Variants in TTN observed in about 807,000 individuals in gnomAD.
TTN encodes titin, also known as connectin.
In TTN, 1,525 loss-of-function variants were observed where a neutral mutation model predicts 3,223.0. That is an observed-to-expected ratio of 0.47 (90% CI 0.45 to 0.49). The LOEUF (loss-of-function observed/expected upper bound fraction) is 0.49, where lower values mean the gene tolerates loss of function less well. TTN is among the 20% of genes least tolerant of loss of function. The pLI is 0.00. For synonymous variants in TTN, 14,094 were observed against 15,161.0 expected, an observed-to-expected ratio of 0.93 and a Z score of 5.17; for missense variants, 40,786 against 43,424.0, an observed-to-expected ratio of 0.94 and a Z score of 5.40.
intron 12 of TTN, 116 bp downstream of exon 12, chr2:178,789,862 A>T: frequency 1.5e-6 from 2 of 1,368,598 alleles, no homozygotes; most frequent in Non-Finnish European, 2.0e-6. Flanking sequence ...TTTTGTTTTT[A>T]GTTAGGGATT....
At chr2:178,670,189 A>G (rs1298009467) in intron 157 of TTN, 29 bp downstream of exon 157, 3 of 1,384,824 alleles carry the variant, frequency 2.2e-6, no homozygotes, top group Non-Finnish European at 1.9e-6. Context: ...AGGATTTTAT[A>G]TTAATGATGA....
intron 6 of TTN, chr2:178,798,381 T>C (rs1040555133): frequency 3.9e-5 from 6 of 152,164 alleles, no homozygotes; most frequent in Admixed American, 2.6e-4. Flanking sequence ...AATTTACACT[T>C]GATTATATAA....
rs1399797498 is a variant in TTN, at chr2:178,568,856, G to T, written c.77276C>A (p.Thr25759Asn). 1 of 1,613,076 alleles carries T rather than the reference G, an allele frequency of 6.2e-7. No individual in the cohort carries two copies. ...ATATTCTTCCCCTTGAGTTAGGTTG[G>T]TAATTACTGCCTGAAGAGACTTTAC... ...ARVKSLQAVI[T>N]NLTQGEEYLF... The change falls in exon 326 of 363, where the codon ACC (threonine) becomes AAC (asparagine). Residue 25759 changes from threonine (T) to asparagine (N), a missense_variant. Transcript: ENST00000589042.
At position 178,601,893 on chromosome 2, in the gene TTN, C is replaced by T. The variant is rs756341923; in HGVS notation, c.55291G>A (p.Glu18431Lys). 9.3e-6 allele frequency: 15 copies of T among 1,611,614 alleles called. No individual in the cohort carries two copies. Among genetic ancestry groups the T allele is most frequent in the African/African-American group, 2.7e-5 (2 of 74,794 alleles). ...AMKDGVHDIP[E>K]DAQLETAENS... is the part of the protein sequence containing the mutation. The stretch of plus-strand genomic sequence containing the variant: ...TATTATTTTTTTACCTGTGCATCTT[C>T]GGGTATGTCATGAACTCCATCCTAT... Residue 18431 changes from glutamate to lysine, a missense_variant, in exon 285 of 363, where the codon GAA (glutamate) becomes AAA (lysine). By Grantham distance (56) the Glu-to-Lys change is moderately conservative. Coordinates refer to ENST00000589042, the MANE Select transcript of TTN (RefSeq NM_001267550.2).
In TTN at chr2:178,564,193, T is replaced by G. The variant is rs375386617; in HGVS notation, c.81939A>C (p.Gly27313=). Residue 27313 remains glycine (G), a synonymous_variant, in exon 326 of 363, where the codon GGA becomes GGC. Transcript: ENST00000589042. The part of the protein sequence containing the change: ...PIPDVVWSKD[G]KELEETAARM... ...TAGCAGCTGTTTCTTCAAGTTCTTTTCCATCTTTTGACCAAACAACATCAG... is the reference window on the plus strand; with the variant it reads ...TAGCAGCTGTTTCTTCAAGTTCTTTGCCATCTTTTGACCAAACAACATCAG... The G allele has an allele frequency of 6.2e-7, 1 of 1,613,736 alleles. No individual in the cohort carries two copies.
Position 178,552,081 on chromosome 2 carries a change from C to A in TTN, c.90819G>T (p.Lys30273Asn), listed in dbSNP as rs1307577297. 1.2e-6 allele frequency: 2 copies of A among 1,613,750 alleles called. No individual in the cohort carries two copies. The highest frequency in any genetic ancestry group is 1.7e-6 in the Non-Finnish European group (2 of 1,179,752). ...TTCTGGCAACACTTGAACACACCAT[C>A]TTCCAGTTAGTTTGTGAAGTTTCCC... ...EKRETSQTNW[K>N]MVCSSVARTT... The change falls in exon 335 of 363, where the codon AAG becomes AAT. Residue 30273 changes from lysine (K) to asparagine (N), a missense_variant. By Grantham distance (94) the Lys-to-Asn change is moderately conservative. Transcript: ENST00000589042.
Position 178,729,379 on chromosome 2 carries a change from G to A in TTN, c.18777C>T (p.Thr6259=), listed in dbSNP as rs750180579. 2 of 1,613,446 alleles carry A rather than the reference G, an allele frequency of 1.2e-6. No individual in the cohort carries two copies. The highest frequency in any genetic ancestry group is 1.7e-6 in the Non-Finnish European group (2 of 1,179,666). ...CCCCAGTGTCTGAAGGGTCACACTT[G>A]GTTATATGGAGGTTAAACACAGACA... ...DRVSVFNLHI[T]KCDPSDTGEY... is the part of the protein sequence containing the mutation. Residue 6259 remains threonine, a synonymous_variant, in exon 64 of 363, where the codon ACC becomes ACT. Coordinates refer to ENST00000589042, the MANE Select transcript of TTN (RefSeq NM_001267550.2).
At position 178,611,063 on chromosome 2, in the gene TTN, G is replaced by A. The variant is rs762091746; in HGVS notation, c.51066C>T (p.Ala17022=). ...TCTCCAGTGTAATGGTATAAATTCCGGCATCTGCACGGACACTCTTGGGAA... is the reference window on the plus strand; with the variant it reads ...TCTCCAGTGTAATGGTATAAATTCCAGCATCTGCACGGACACTCTTGGGAA... The part of the protein sequence containing the change: ...LEVPKSVRAD[A]GIYTITLENK... Residue 17022 remains alanine, a synonymous_variant, in exon 270 of 363, where the codon GCC becomes GCT. Coordinates refer to ENST00000589042, the MANE Select transcript of TTN (RefSeq NM_001267550.2). 1.2e-5 allele frequency: 20 copies of A among 1,612,620 alleles called. No homozygotes were observed. The highest frequency in any genetic ancestry group is 8.9e-5 in the East Asian group (4 of 44,722).
intron 221 of TTN, 26 bp from the exon 222 acceptor site, chr2:178,640,136 G>T: frequency 1.2e-6 from 2 of 1,600,966 alleles, no homozygotes; most frequent in East Asian, 2.3e-5. Context: ...GTAGAGGGCA[G>T]ATTATTACAG....
chr2:178,550,523 AGT>A (rs1271344238), intron 336 of TTN: 3 of 482,318 alleles, frequency 6.2e-6, no homozygotes, highest in Non-Finnish European at 1.1e-5. Flanking sequence ...TAAAAAGGAA[AGT>A]GAAACATTTA....
chr2:178,735,575 G>A lies in TTN; in HGVS notation c.14871C>T (p.Thr4957=), dbSNP rs779268926. ...IPLAKLKDSG[T]YVCTASNEAG... ...CCTCATTTGAAGCTGTACAGACATA[G>A]GTTCCTGAATCTTTCAGTTTGGCCA... Residue 4957 remains threonine, a synonymous_variant, in exon 50 of 363, where the codon ACC becomes ACT. Transcript: ENST00000589042. 4 of 1,612,822 alleles carry A rather than the reference G, an allele frequency of 2.5e-6. No homozygotes were observed. The highest frequency in any genetic ancestry group is 2.7e-5 in the African/African-American group (2 of 74,940).
rs1060500393 is a variant in TTN, at chr2:178,564,257, G to A, written c.81875C>T (p.Thr27292Ile). The change falls in exon 326 of 363, where the codon ACT becomes ATT. Residue 27292 changes from threonine to isoleucine, a missense_variant. Transcript: ENST00000589042. The stretch of plus-strand genomic sequence containing the variant: ...ACGGATGTCGGCTTCAAGAACAAAA[G>A]TCTCTCCTGCATGAACAACGATGAC... ...KDVIVVHAGE[T>I]FVLEADIRGK... 1.2e-5 allele frequency: 19 copies of A among 1,613,238 alleles called. No individual in the cohort carries two copies. Among genetic ancestry groups the A allele is most frequent in the Non-Finnish European group, 1.6e-5 (19 of 1,179,788 alleles).
intron 218 of TTN, among the ~76,000 whole-genome samples, chr2:178,642,878 T>C (rs1003940706): frequency 1.6e-4 from 24 of 152,004 alleles, no homozygotes; most frequent in African/African-American, 5.5e-4. Context: ...GATAAAATAT[T>C]TAAAATTATA....
Position 178,605,536 on chromosome 2 carries a change from G to A in TTN, c.53759C>T (p.Thr17920Ile). ...ATCAAGATTTTCAACCAGAAAAGAT[G>A]TGGTTGGGCAGAGTCGCTTGTTAAC... The part of the protein sequence containing the change: ...ERVNKRLCPT[T>I]SFLVENLDEH... Residue 17920 changes from threonine to isoleucine, a missense_variant, in exon 279 of 363, where the codon ACA becomes ATA. Coordinates refer to ENST00000589042, the MANE Select transcript of TTN (RefSeq NM_001267550.2). The A allele has an allele frequency of 6.2e-7, 1 of 1,612,454 alleles. No individual in the cohort carries two copies. Among genetic ancestry groups the A allele is most frequent in the Admixed American group, 1.7e-5 (1 of 59,948 alleles).
Position 178,600,871 on chromosome 2 carries a change from G to A in TTN, c.56033C>T (p.Thr18678Ile). The A allele has an allele frequency of 6.2e-7, 1 of 1,612,798 alleles. No homozygotes were observed. Among genetic ancestry groups the A allele is most frequent in the South Asian group, 1.1e-5 (1 of 91,034 alleles). ...GTACTTACATGTCTGGTCTTTGACA[G>A]TCACAGGGCCAACAGTGGCTGAAGG... ...SKPSATVGPV[T>I]VKDQTCPPSI... The change falls in exon 288 of 363, where the codon ACT becomes ATT. Residue 18678 changes from threonine to isoleucine, a missense_variant. By Grantham distance (89) the Thr-to-Ile change is moderately conservative (BLOSUM62 -1). Coordinates refer to ENST00000589042, the MANE Select transcript of TTN (RefSeq NM_001267550.2).
chr2:178,768,174 A>G lies in TTN; in HGVS notation c.9164-19T>C. On this transcript the variant is annotated intron_variant, in intron 38 of 362. Transcript: ENST00000589042. ...TGACGAGCTGGAAAATAGCATGTAG[A>G]AAAATTAACATTTTTAACAGCTTTA... 1 of 1,613,456 alleles carries G rather than the reference A, an allele frequency of 6.2e-7. No individual in the cohort carries two copies. Among genetic ancestry groups the G allele is most frequent in the Non-Finnish European group, 8.5e-7 (1 of 1,179,622 alleles).
chr2:178,637,411 C>A lies in TTN; in HGVS notation c.40885G>T (p.Ala13629Ser), dbSNP rs994496313. Residue 13629 changes from alanine (A) to serine (S), a missense_variant, in exon 224 of 363, where the codon GCA becomes TCA. Transcript: ENST00000589042. ...GGCTTGGCAGCCTCTTCCTTAGGTG[C>A]TTTGGCTTCTGAAATAAAAATAAAA... ...PVVGKKAEAK[A>S]PKEEAAKPKG... is the part of the protein sequence containing the mutation. 6.8e-7 allele frequency: 1 copy of A among 1,476,236 alleles called. No individual in the cohort carries two copies. The highest frequency in any genetic ancestry group is 1.5e-5 in the African/African-American group (1 of 68,618). 91.4% of individuals were successfully genotyped at this position (1,476,236 alleles called of 1,614,324 possible). A position where few individuals can be genotyped will look rare whatever the true frequency, so the allele number is the denominator to read the frequency against.
At chr2:178,621,433 G>A (rs1317487856) in intron 245 of TTN, 42 bp downstream of exon 245, 1 of 1,596,028 alleles carries the variant, frequency 6.3e-7, no homozygotes, top group South Asian at 1.1e-5. Flanking sequence ...TAGCAAGTGT[G>A]AATTGTTAGA....
chr2:178,779,159 A>T (rs2291302), intron 23 of TTN, 41 bp from the exon 24 acceptor site: 3 of 1,612,878 alleles, frequency 1.9e-6, no homozygotes, highest in Non-Finnish European at 1.7e-6. Context: ...AATTTACATC[A>T]AATAGTTATA....
Sources: allele counts gnomAD v4.1 joint callset (sites outside exome capture counted in the v4.1 genomes callset), GRCh38; gene constraint gnomAD v4.1.1; transcripts MANE v1.5; gene names NCBI Gene and HGNC (gene_info 2026-07-23, HGNC 2026-07-21).